Variants in FLT1 observed in about 807,000 individuals in gnomAD.
FLT1 encodes the protein fms related receptor tyrosine kinase 1.
FLT1 carries 49 observed loss-of-function variants against 156.3 expected under a neutral mutation model. That is an observed-to-expected ratio of 0.31 (90% CI 0.25 to 0.40). The LOEUF (loss-of-function observed/expected upper bound fraction) is 0.40. Ranked by LOEUF, FLT1 falls within the 10% of genes least tolerant of loss-of-function variation. The pLI is 1.00. For synonymous variants in FLT1, 594 were observed against 583.8 expected (o/e 1.02, Z -0.25); for missense variants, 1,322 against 1,637.2 (o/e 0.81, Z 3.32).
intron 10 of FLT1, among the ~76,000 whole-genome samples, chr13:28,426,130 C>CTTT (rs113958200): frequency 6.1e-5 from 8 of 131,112 alleles, no homozygotes; most frequent in Admixed American, 3.1e-4. Context: ...TCCTGTCAAT[C>CTTT]TTTTTTTTTT....
chr13:28,353,754 A>G (rs760243372), intron 15 of FLT1, among the ~76,000 whole-genome samples: 4 of 152,282 alleles, frequency 2.6e-5, no homozygotes, highest in South Asian at 2.1e-4. Context: ...CGGTTTTGAT[A>G]TGGAATTTCC....
At chr13:28,346,175 G>GTTT in intron 15 of FLT1, 1 of 153,030 alleles carries the variant, frequency 6.5e-6, no homozygotes, top group Non-Finnish European at 1.5e-5. Context: ...GGGGGCCTGA[G>GTTT]ATAGAAGAGG....
intron 3 of FLT1, among the ~76,000 whole-genome samples, chr13:28,443,756 A>T (rs1878458990): frequency 6.6e-6 from 1 of 152,246 alleles, no homozygotes; most frequent in Non-Finnish European, 1.5e-5. Context: ...ATACTCAAGG[A>T]GAATGTACTG....
At chr13:28,416,414 A>T (rs908718473) in intron 10 of FLT1, among the ~76,000 whole-genome samples, 4 of 152,192 alleles carry the variant, frequency 2.6e-5, no homozygotes, top group South Asian at 2.1e-4. Context: ...TTGTGACACA[A>T]CCAATCCTGG....
chr13:28,339,332 G>GA, intron 16 of FLT1, 32 bp from the exon 17 acceptor site: 1 of 1,608,246 alleles, frequency 6.2e-7, no homozygotes, highest in African/African-American at 1.3e-5. Context: ...AAGTCATCGA[G>GA]AAGAAAACAA....
chr13:28,397,644 C>A (rs1418357086), intron 11 of FLT1, among the ~76,000 whole-genome samples: 2 of 152,006 alleles, frequency 1.3e-5, no homozygotes, highest in African/African-American at 2.4e-5. Context: ...GCTTTTGTCT[C>A]CCAAGTAGCT....
intron 15 of FLT1, among the ~76,000 whole-genome samples, chr13:28,353,572 CAA>C (rs34155046): frequency 1.5e-4 from 19 of 123,444 alleles, no homozygotes; most frequent in African/African-American, 3.3e-4. Flanking sequence ...GACTGTGTCT[CAA>C]AAAAAAAAAA....
chr13:28,408,299 C>T (rs1290431796), intron 10 of FLT1, among the ~76,000 whole-genome samples: 1 of 152,168 alleles, frequency 6.6e-6, no homozygotes, highest in Non-Finnish European at 1.5e-5. Context: ...CCCCACACCT[C>T]CCCCATCCCA....
chr13:28,433,838 G>A lies in FLT1; in HGVS notation c.794C>T (p.Thr265Ile). Residue 265 changes from threonine (T) to isoleucine (I), a missense_variant, in exon 6 of 30, where the codon ACC becomes ATC. Physicochemically the swap from Thr to Ile is moderately conservative, Grantham distance 89. Coordinates refer to ENST00000282397, the MANE Select transcript of FLT1 (RefSeq NM_002019.4). ...ACTCACTTCATCAGGGTAACTCCAG[G>A]TCATTTGAACTCTCGTGTTCAAGGG... is the stretch of plus-strand genomic sequence containing the variant. ...TTPLNTRVQM[T>I]WSYPDEKNKR... 6.2e-7 allele frequency: 1 copy of A among 1,613,940 alleles called. No homozygotes were observed. The highest frequency in any genetic ancestry group is 1.7e-5 in the Admixed American group (1 of 60,016).
At chr13:28,438,100 A>G (rs61763172) in intron 4 of FLT1, 121 bp downstream of exon 4, 16,309 of 910,392 alleles carry the variant, frequency 0.018, 204 homozygotes, top group South Asian at 0.031. Flanking sequence ...ATGTTACAGG[A>G]AAGTCCACTG....
chr13:28,350,816 G>A (rs562461986), intron 15 of FLT1, among the ~76,000 whole-genome samples: 10 of 152,148 alleles, frequency 6.6e-5, no homozygotes, highest in African/African-American at 2.2e-4. Flanking sequence ...TTCCTCACAC[G>A]TGAATTGTGT....
At chr13:28,396,228 A>AT (rs1384341339) in intron 12 of FLT1, among the ~76,000 whole-genome samples, 1 of 152,138 alleles carries the variant, frequency 6.6e-6, no homozygotes, top group Non-Finnish European at 1.5e-5. Context: ...ACTTTTGGCA[A>AT]TTTCTGCAGC....
Position 28,317,507 on chromosome 13 carries a change from G to A in FLT1, c.3377C>T (p.Thr1126Ile), listed in dbSNP as rs1447710182. ...GGCACCAAGGGCTCACATTTCAGGAGTAGAGTACTCAGGAGCTCTCATCCT... is the reference window on the plus strand; with the variant it reads ...GGCACCAAGGGCTCACATTTCAGGAATAGAGTACTCAGGAGCTCTCATCCT... Reference protein sequence around the residue: ...GMRMRAPEYSTPEIYQIMLDC... With the variant: ...GMRMRAPEYSIPEIYQIMLDC... The change falls in exon 25 of 30, where the codon ACT becomes ATT. Residue 1126 changes from threonine to isoleucine, a missense_variant. Thr to Ile is a moderately conservative substitution (Grantham distance 89). Around this residue, in one of 3 missense-constraint regions of FLT1, gnomAD observed 329 missense variants for 366.2 expected, o/e 0.90. Transcript: ENST00000282397. The A allele has an allele frequency of 6.2e-7, 1 of 1,608,792 alleles. No individual in the cohort carries two copies.
intron 17 of FLT1, 101 bp downstream of exon 17, chr13:28,339,067 A>G: frequency 9.1e-7 from 1 of 1,095,704 alleles, no homozygotes; most frequent in South Asian, 1.4e-5. Context: ...TGGAGGGTAG[A>G]ATCCCAGGTC....
intron 16 of FLT1, 106 bp from the exon 17 acceptor site, chr13:28,339,406 T>C (rs1593692523): frequency 3.2e-6 from 4 of 1,249,362 alleles, no homozygotes; most frequent in Middle Eastern, 2.7e-4. Context: ...TGGTTGAAAC[T>C]GTGTGGCCAG....
intron 3 of FLT1, among the ~76,000 whole-genome samples, chr13:28,447,353 T>A (rs9505992): frequency 0.33 from 48,741 of 146,116 alleles, 8,080 homozygotes; most frequent in East Asian, 0.38. Context: ...TAATTTTTTT[T>A]TAAAAATTTT....
chr13:28,303,230 G>C lies in FLT1; in HGVS notation c.3954C>G (p.Ile1318Met). Residue 1318 changes from isoleucine (I) to methionine (M), a missense_variant, in exon 30 of 30, where the codon ATC becomes ATG. Transcript: ENST00000282397. Reference protein sequence around the residue: ...TYDHAELERKIACCSPPPDYN... With the variant: ...TYDHAELERKMACCSPPPDYN... Reference sequence around the variant, plus strand: ...AGTCTGGGGGCGGGGAGCAGCACGCGATTTTCCTTTCCAGCTCAGCGTGGT... The same window carrying C: ...AGTCTGGGGGCGGGGAGCAGCACGCCATTTTCCTTTCCAGCTCAGCGTGGT... 4 of 1,613,666 alleles carry C rather than the reference G, an allele frequency of 2.5e-6. No individual in the cohort carries two copies. Among genetic ancestry groups the C allele is most frequent in the African/African-American group, 1.3e-5 (1 of 74,964 alleles).
At chr13:28,463,909 T>A (rs1879718254) in intron 3 of FLT1, among the ~76,000 whole-genome samples, 2 of 152,222 alleles carry the variant, frequency 1.3e-5, no homozygotes, top group Admixed American at 1.3e-4. Context: ...GGTGTGATTA[T>A]GAGACCAATA....
intron 15 of FLT1, among the ~76,000 whole-genome samples, chr13:28,347,934 A>G (rs922960222): frequency 2.6e-5 from 4 of 152,188 alleles, no homozygotes; most frequent in Admixed American, 6.5e-5. Context: ...CTGACTGCAC[A>G]TGCTTAACCA....
Sources: allele counts gnomAD v4.1 joint callset (sites outside exome capture counted in the v4.1 genomes callset), GRCh38; gene constraint gnomAD v4.1.1; regional missense constraint gnomAD v4.1.1; transcripts MANE v1.5; gene names NCBI Gene and HGNC (gene_info 2026-07-23, HGNC 2026-07-21).